Variants in SH3BP5 observed in about 807,000 individuals in gnomAD.
SH3BP5 encodes the protein SH3 domain-binding protein 5.
Under a neutral mutation model 43.3 loss-of-function variants are expected in SH3BP5, and 22 were observed. That is an observed-to-expected ratio of 0.51 (90% CI 0.36 to 0.73). The LOEUF (loss-of-function observed/expected upper bound fraction) is 0.73. Ranked by LOEUF, SH3BP5 falls within the 30% of genes least tolerant of loss-of-function variation. The pLI, the probability that SH3BP5 is intolerant of heterozygous loss-of-function variation, is 0.00. For synonymous variants in SH3BP5, 255 were observed against 225.8 expected (o/e 1.13, Z -1.16); for missense variants, 529 against 586.9 (o/e 0.90, Z 1.02).
Position 15,256,271 on chromosome 3 carries a change from T to G in SH3BP5, c.1183A>C (p.Ser395Arg). The G allele has an allele frequency of 6.2e-7, 1 of 1,614,236 alleles. No individual in the cohort carries two copies. The highest frequency in any genetic ancestry group is 8.5e-7 in the Non-Finnish European group (1 of 1,180,034). Residue 395 changes from serine (S) to arginine (R), a missense_variant, in exon 9 of 9, where the codon AGT becomes CGT. Physicochemically the swap from Ser to Arg is moderately radical, Grantham distance 110. Around this residue, in one of 3 missense-constraint regions of SH3BP5, gnomAD observed 369 missense variants for 384.3 expected, o/e 0.96. Transcript: ENST00000383791. ...CCCCGGTTGTTGTTGGCTTTGTCAC[T>G]TGTTTTATTCTCTGCCCCTTCTGCC... ...DRAEGAENKT[S>R]DKANNNRGLS...
At chr3:15,311,301 C>A (rs898572803) in intron 2 of SH3BP5, among the ~76,000 whole-genome samples, 1 of 152,180 alleles carries the variant, frequency 6.6e-6, no homozygotes, top group Non-Finnish European at 1.5e-5. Context: ...TGCGGTGGCT[C>A]ACTCCTGTAA....
In SH3BP5 at chr3:15,256,074, G is replaced by A. The variant is rs542987082; in HGVS notation, c.*12C>T. 4.4e-6 allele frequency: 7 copies of A among 1,601,590 alleles called. No homozygotes were observed. The highest frequency in any genetic ancestry group is 3.3e-5 in the South Asian group (3 of 90,646). On this transcript the variant is annotated 3_prime_UTR_variant, in exon 9 of 9. Coordinates refer to ENST00000383791, the MANE Select transcript of SH3BP5 (RefSeq NM_004844.5). Reference sequence around the variant, plus strand: ...AATGTTGATATGCACATCGGCCAGGGCCCAGGATGAATCAGCCAATCTGCA... The same window carrying A: ...AATGTTGATATGCACATCGGCCAGGACCCAGGATGAATCAGCCAATCTGCA...
chr3:15,258,933 AG>A lies in SH3BP5; in HGVS notation c.786del (p.Ser263ProfsTer80). On this transcript the variant is annotated frameshift_variant, in exon 7 of 9. Transcript: ENST00000383791. LOFTEE classifies it high-confidence loss of function. ...CATCCCCGAGGCCCCATGGCACTGGAGCGCCGCCGCTCGTGGATCTCATCTG... is the reference window on the plus strand; with the variant it reads ...CATCCCCGAGGCCCCATGGCACTGGACGCCGCCGCTCGTGGATCTCATCTG... ...MISDEIHERR[R>X]SSAMGPRGCG... The A allele has an allele frequency of 6.2e-7, 1 of 1,614,180 alleles. No individual in the cohort carries two copies. Among genetic ancestry groups the A allele is most frequent in the African/African-American group, 1.3e-5 (1 of 75,046 alleles).
chr3:15,254,420 CA>C lies in SH3BP5; in HGVS notation c.*1665del, dbSNP rs1203409519. 2.0e-5 allele frequency: 3 copies of C among 152,192 alleles called. No individual in the cohort carries two copies. The highest frequency in any genetic ancestry group is 4.4e-5 in the Non-Finnish European group (3 of 68,030). The allele number at this position is 152,192 out of a possible 1,614,324, so 9.4% of individuals were successfully genotyped here. ...AGTCCAATATTATAAAACATTTCCA[CA>C]AAAGAAAGAATCCATCTGATTCTCA... On this transcript the variant is annotated 3_prime_UTR_variant, in exon 9 of 9. Coordinates refer to ENST00000383791, the MANE Select transcript of SH3BP5 (RefSeq NM_004844.5).
upstream of SH3BP5, among the ~76,000 whole-genome samples, chr3:15,333,768 C>T (rs1698667243): frequency 6.6e-6 from 1 of 152,202 alleles, no homozygotes. Context: ...GTCCTGTCTC[C>T]TGGAGGTAGT....
chr3:15,282,264 A>G (rs2129946), intron 3 of SH3BP5, among the ~76,000 whole-genome samples: 11,380 of 152,232 alleles, frequency 0.075, 657 homozygotes, highest in African/African-American at 0.16. Flanking sequence ...ATAATTATAC[A>G]TAATTACAGC....
chr3:15,268,819 A>G (rs753408836), intron 4 of SH3BP5, among the ~76,000 whole-genome samples: 2 of 152,110 alleles, frequency 1.3e-5, no homozygotes, highest in Non-Finnish European at 2.9e-5. Flanking sequence ...TGAGGTAATG[A>G]GGGTAGAACC....
chr3:15,258,295 AAG>A (rs1229239748), intron 7 of SH3BP5: 1 of 152,234 alleles, frequency 6.6e-6, no homozygotes, highest in African/African-American at 2.4e-5. Context: ...GCCCTGGGAA[AAG>A]AGGTCTCTAT....
intron 3 of SH3BP5, among the ~76,000 whole-genome samples, chr3:15,297,093 G>A (rs1293117474): frequency 6.6e-6 from 1 of 152,096 alleles, no homozygotes; most frequent in African/African-American, 2.4e-5. Flanking sequence ...AATAGTTCAG[G>A]AGATTAATTG....
At chr3:15,304,057 G>A (rs1456854695) in intron 3 of SH3BP5, 46 bp downstream of exon 3, 1 of 1,516,980 alleles carries the variant, frequency 6.6e-7, no homozygotes. Flanking sequence ...AAAACTGAGG[G>A]GTAGTGAGGC....
At chr3:15,269,934 C>T in intron 3 of SH3BP5, 57 bp from the exon 4 acceptor site, 1 of 1,402,490 alleles carries the variant, frequency 7.1e-7, no homozygotes, top group South Asian at 1.4e-5. Context: ...TCCCCATGGT[C>T]CATTTTACCT....
At chr3:15,324,919 G>A (rs1054067372) in intron 2 of SH3BP5, among the ~76,000 whole-genome samples, 3 of 150,942 alleles carry the variant, frequency 2.0e-5, no homozygotes, top group Non-Finnish European at 4.4e-5. Flanking sequence ...AGGAAAGGCA[G>A]AGATAATGAG....
chr3:15,277,254 G>A lies in SH3BP5; in HGVS notation c.331-7377C>T, dbSNP rs1575300968. ...CCCAAAGTGCTGGGATTACAGGGGT[G>A]AGCCACCACACCCAGCCTCATTCTA... On this transcript the variant is annotated intron_variant, in intron 3 of 8. Coordinates refer to ENST00000383791, the MANE Select transcript of SH3BP5 (RefSeq NM_004844.5). 2.0e-5 allele frequency among the ~76,000 whole-genome samples: 3 copies of A among 152,312 alleles called. No homozygotes were observed. In the South Asian group the frequency reaches 6.2e-4, roughly 32 times the overall value.
chr3:15,266,212 C>A (rs1314262035), intron 4 of SH3BP5, among the ~76,000 whole-genome samples: 1 of 152,236 alleles, frequency 6.6e-6, no homozygotes, highest in Non-Finnish European at 1.5e-5. Flanking sequence ...CTTACTGCGT[C>A]CTTGGGCAAT....
chr3:15,304,080 A>C (rs919888600), intron 3 of SH3BP5, 23 bp downstream of exon 3: 1 of 1,602,838 alleles, frequency 6.2e-7, no homozygotes, highest in Non-Finnish European at 8.5e-7. Context: ...GAGGTAGGGG[A>C]GACATCTATG....
intron 1 of SH3BP5, among the ~76,000 whole-genome samples, chr3:15,338,972 G>A (rs1158316696): frequency 6.6e-6 from 1 of 152,118 alleles, no homozygotes; most frequent in Non-Finnish European, 1.5e-5. Flanking sequence ...TGGCTCGTAG[G>A]TCTTCCTGCC....
intron 3 of SH3BP5, among the ~76,000 whole-genome samples, chr3:15,285,729 GC>G: frequency 6.6e-6 from 1 of 152,200 alleles, no homozygotes; most frequent in East Asian, 1.9e-4. Context: ...GCTCCGCCAA[GC>G]CCTCCAGTAG....
intron 5 of SH3BP5, chr3:15,260,004 A>C (rs1000140124): frequency 1.7e-6 from 1 of 604,882 alleles, no homozygotes; most frequent in African/African-American, 1.9e-5. Flanking sequence ...GACTGGGCTC[A>C]CCCAGGGCTA....
intron 3 of SH3BP5, among the ~76,000 whole-genome samples, chr3:15,300,834 G>A (rs1414674736): frequency 2.6e-5 from 4 of 152,094 alleles, no homozygotes; most frequent in Non-Finnish European, 2.9e-5. Flanking sequence ...GGGCTTGCAG[G>A]CATAAAGCCA....
Sources: allele counts gnomAD v4.1 joint callset (sites outside exome capture counted in the v4.1 genomes callset), GRCh38; gene constraint gnomAD v4.1.1; regional missense constraint gnomAD v4.1.1; transcripts MANE v1.5; gene names NCBI Gene and HGNC (gene_info 2026-07-23, HGNC 2026-07-21).